Variants in RNF220 observed in about 807,000 individuals in gnomAD.
RNF220 encodes ring finger protein 220.
A neutral mutation model predicts 67.1 loss-of-function variants in RNF220; 7 were observed. The ratio of observed to expected loss-of-function variants is 0.10; its 90% confidence interval spans 0.06 to 0.20. RNF220 has a LOEUF of 0.20. Among genes scored for constraint, RNF220 ranks in the 10% least tolerant of loss-of-function variants. The pLI is 1.00. For synonymous variants in RNF220, 270 were observed against 283.2 expected, an observed-to-expected ratio of 0.95 and a Z score of 0.47; for missense variants, 565 against 740.3, an observed-to-expected ratio of 0.76 and a Z score of 2.75.
chr1:44,477,205 A>G (rs1003732670), intron 2 of RNF220, among the ~76,000 whole-genome samples: 1 of 152,256 alleles, frequency 6.6e-6, no homozygotes, highest in African/African-American at 2.4e-5. Flanking sequence ...CTAGCAGTCC[A>G]GTATCCACCA....
At position 44,649,461 on chromosome 1, in the gene RNF220, TG is replaced by T; in HGVS notation, c.1446-197del. The T allele has an allele frequency of 1.7e-6, 1 of 597,438 alleles. No homozygotes were observed. The highest frequency in any genetic ancestry group is 2.0e-5 in the South Asian group (1 of 50,212). The allele number at this position is 597,438 out of a possible 1,614,324, so 37.0% of individuals were successfully genotyped here. ...TATCTGGTGTAGAAATTCATCCGAATGGGAATGGAGGAATAGAGAGGGTGAG... is the reference window on the plus strand; with the variant it reads ...TATCTGGTGTAGAAATTCATCCGAATGGAATGGAGGAATAGAGAGGGTGAG... On this transcript the variant is annotated intron_variant, in intron 12 of 14. Transcript: ENST00000361799. The surrounding 1 kb of genome is among the most constrained non-coding windows in gnomAD (Gnocchi z 5.9).
chr1:44,591,573 T>C (rs180936214), intron 2 of RNF220, among the ~76,000 whole-genome samples: 10 of 152,356 alleles, frequency 6.6e-5, no homozygotes, highest in African/African-American at 2.4e-4. Flanking sequence ...CCCTGGCTTA[T>C]TAGGGTGTGG....
intron 1 of RNF220, among the ~76,000 whole-genome samples, chr1:44,407,761 C>T (rs1032586502): frequency 5.9e-5 from 9 of 152,180 alleles, no homozygotes; most frequent in Admixed American, 2.0e-4. Context: ...CGCGCCGGTC[C>T]GTATTTGCAG....
chr1:44,406,798 C>G (rs1024536091), intron 1 of RNF220, among the ~76,000 whole-genome samples: 5 of 152,208 alleles, frequency 3.3e-5, no homozygotes, highest in African/African-American at 1.2e-4. Context: ...GGGCGGAGAG[C>G]TTCCGTGTGG....
At chr1:44,483,616 TG>T (rs142694851) in intron 2 of RNF220, among the ~76,000 whole-genome samples, 3,368 of 152,170 alleles carry the variant, frequency 0.022, 148 homozygotes, top group African/African-American at 0.078. Context: ...CCTGAGCTAG[TG>T]GGCTAGCAGG....
rs1370692376 is a variant in RNF220, at chr1:44,412,421, A to C, written c.324A>C (p.Pro108=). The C allele has an allele frequency of 3.7e-6, 6 of 1,613,118 alleles. No homozygotes were observed. In the East Asian group the frequency reaches 1.1e-4, roughly 30 times the overall value. Residue 108 remains proline, a synonymous_variant, in exon 2 of 15, where the codon CCA becomes CCC. Coordinates refer to ENST00000361799, the MANE Select transcript of RNF220 (RefSeq NM_018150.4). This position sits in a 1 kb window ranked among gnomAD's most constrained non-coding sequence, Gnocchi z 5.3. ...QFAPPNLDCT[P]ISMLNHSGVG... is the part of the protein sequence containing the mutation. ...CTCCCCCAAATCTAGATTGCACCCC[A>C]ATCAGTATGCTGAATCATAGTGGTG...
At chr1:44,510,448 G>C (rs1164462525) in intron 2 of RNF220, among the ~76,000 whole-genome samples, 1 of 152,144 alleles carries the variant, frequency 6.6e-6, no homozygotes. Context: ...TCTAGCCTCA[G>C]CTTGGGGCAC....
Position 44,621,140 on chromosome 1 carries a change from T to C in RNF220, c.759-1602T>C, listed in dbSNP as rs962110656. Among the ~76,000 whole-genome samples, 2 of 152,128 alleles carry C rather than the reference T, an allele frequency of 1.3e-5. No homozygotes were observed. The highest frequency in any genetic ancestry group is 2.9e-5 in the Non-Finnish European group (2 of 68,018). On this transcript the variant is annotated intron_variant, in intron 3 of 14. Transcript: ENST00000361799. This position sits in a 1 kb window ranked among gnomAD's most constrained non-coding sequence, Gnocchi z 4.8. ...CATGTTGGCCAGGCTGGTCTCGAAC[T>C]CCTGACCTCAGGTGATCCACCAGCC...
intron 2 of RNF220, among the ~76,000 whole-genome samples, chr1:44,442,350 C>G (rs115424515): frequency 1.8e-3 from 273 of 152,018 alleles, no homozygotes; most frequent in Non-Finnish European, 2.9e-3. Context: ...GCCATGTTTC[C>G]CAGGCTGGTC....
intron 2 of RNF220, among the ~76,000 whole-genome samples, chr1:44,545,020 A>G (rs1198044464): frequency 6.6e-6 from 1 of 152,256 alleles, no homozygotes; most frequent in Non-Finnish European, 1.5e-5. Flanking sequence ...CTGGGAATAG[A>G]GCCACAAACA....
intron 2 of RNF220, among the ~76,000 whole-genome samples, chr1:44,552,343 C>CA (rs1051034040): frequency 1.3e-4 from 20 of 151,096 alleles, no homozygotes; most frequent in Admixed American, 1.3e-4. Context: ...CCCACCTCTA[C>CA]AAAAAAAATA....
chr1:44,635,409 A>G (rs1644295947), intron 6 of RNF220, 136 bp from the exon 7 acceptor site: 43 of 1,352,264 alleles, frequency 3.2e-5, no homozygotes, highest in Non-Finnish European at 3.7e-5. Flanking sequence ...GTATTTCAAG[A>G]TGAGGGCCAG....
intron 2 of RNF220, among the ~76,000 whole-genome samples, chr1:44,583,481 C>T (rs1441345823): frequency 2.0e-5 from 3 of 152,206 alleles, no homozygotes; most frequent in Admixed American, 6.5e-5. Context: ...TTCAGCATGT[C>T]CCAGCTTTTC....
At chr1:44,627,718 G>A (rs548142090) in intron 5 of RNF220, among the ~76,000 whole-genome samples, 1 of 152,338 alleles carries the variant, frequency 6.6e-6, no homozygotes, top group East Asian at 1.9e-4. Context: ...CCCAGTGTGA[G>A]AAGGGAAGAA....
chr1:44,499,035 T>C (rs1164815656), intron 2 of RNF220, among the ~76,000 whole-genome samples: 1 of 152,164 alleles, frequency 6.6e-6, no homozygotes, highest in Non-Finnish European at 1.5e-5. Flanking sequence ...ACTGCCAATT[T>C]ACTCCTGGTA....
intron 2 of RNF220, among the ~76,000 whole-genome samples, chr1:44,560,946 C>T (rs1663524728): frequency 6.6e-6 from 1 of 152,212 alleles, no homozygotes; most frequent in South Asian, 2.1e-4. Flanking sequence ...CTCTGTCCCA[C>T]CCTTGTGTAG....
At chr1:44,568,186 C>T (rs921729511) in intron 2 of RNF220, among the ~76,000 whole-genome samples, 1 of 152,192 alleles carries the variant, frequency 6.6e-6, no homozygotes, top group African/African-American at 2.4e-5. Context: ...TGAGAATCCT[C>T]CAGTAACGAG....
At chr1:44,561,887 A>G (rs570610851) in intron 2 of RNF220, among the ~76,000 whole-genome samples, 35 of 152,310 alleles carry the variant, frequency 2.3e-4, no homozygotes, top group African/African-American at 8.2e-4. Context: ...TCTGCACTCC[A>G]GCCTGGTTGA....
intron 2 of RNF220, among the ~76,000 whole-genome samples, chr1:44,480,204 G>A (rs971394151): frequency 2.0e-5 from 3 of 152,150 alleles, no homozygotes; most frequent in African/African-American, 7.2e-5. Context: ...AGGAGTTTGA[G>A]ACCAGCCTGG....
Sources: gnomAD v4.1 joint callset for allele counts (sites outside exome capture counted in the v4.1 genomes callset) on GRCh38, gnomAD v4.1.1 for gene constraint, Gnocchi (gnomAD v3.1) non-coding constraint, MANE v1.5 for transcripts, NCBI Gene and HGNC (gene_info 2026-07-23, HGNC 2026-07-21) for gene names.